The following CNOT9 variants were observed in gnomAD, a reference collection of about 807,000 sequenced individuals.
The protein encoded by CNOT9 is CCR4-NOT transcription complex subunit 9.
A neutral mutation model predicts 37.4 loss-of-function variants in CNOT9; 8 were observed. The observed-to-expected ratio is 0.21, with a 90% CI of 0.13 to 0.39. The LOEUF is 0.39. Ranked by LOEUF, CNOT9 falls within the 10% of genes least tolerant of loss-of-function variation. CNOT9 has a pLI of 1.00. For missense variants in CNOT9, 154 were observed against 365.3 expected (o/e 0.42, Z 4.71); for synonymous variants, 120 against 137.6 (o/e 0.87, Z 0.90).
In CNOT9 at chr2:218,592,369, G is replaced by A. The variant is rs777795311; in HGVS notation, c.606G>A (p.Thr202=). 6.8e-6 allele frequency: 11 copies of A among 1,613,922 alleles called. No individual in the cohort carries two copies. Among genetic ancestry groups the A allele is most frequent in the Admixed American group, 3.3e-5 (2 of 59,998 alleles). ...DDTGLAYICQ[T]YERFSHVAMI... ...CTGGTTTGGCTTATATATGTCAGAC[G>A]TATGAGCGTTTCTCCCATGTTGCCA... The change falls in exon 6 of 8, where the codon ACG becomes ACA. Residue 202 remains threonine (T), a synonymous_variant. Transcript: ENST00000273064. This position sits in a 1 kb window ranked among gnomAD's most constrained non-coding sequence, Gnocchi z 4.1.
rs758825069 is a variant in CNOT9, at chr2:218,594,360, C to A, written c.*84C>A. 3.5e-6 allele frequency: 5 copies of A among 1,420,590 alleles called. No homozygotes were observed. The highest frequency in any genetic ancestry group is 4.8e-6 in the Non-Finnish European group (5 of 1,044,400). 88.0% of individuals were successfully genotyped at this position (1,420,590 alleles called of 1,614,324 possible). On this transcript the variant is annotated 3_prime_UTR_variant, in exon 8 of 8. Transcript: ENST00000273064. ...AGAAAAACAGCTCAGGTTTTATCAC[C>A]GACTGGGAATAGACAACCTCAATGC...
intron 1 of CNOT9, among the ~76,000 whole-genome samples, chr2:218,578,097 T>C (rs926046676): frequency 6.6e-6 from 1 of 152,262 alleles, no homozygotes; most frequent in African/African-American, 2.4e-5. Context: ...AACACTGCTT[T>C]TGCTGTTGGG....
intron 1 of CNOT9, among the ~76,000 whole-genome samples, chr2:218,575,397 T>C (rs957809812): frequency 3.5e-5 from 5 of 142,320 alleles, no homozygotes; most frequent in Non-Finnish European, 6.4e-5. Context: ...CTTTTTTTTT[T>C]TTTTTTTGAG....
intron 1 of CNOT9, chr2:218,572,696 G>A: frequency 5.1e-6 from 5 of 985,352 alleles, no homozygotes; most frequent in Non-Finnish European, 6.0e-6. Context: ...TTATGCTTGT[G>A]AAACAACCGG....
intron 1 of CNOT9, among the ~76,000 whole-genome samples, chr2:218,578,657 G>T (rs747334502): frequency 6.6e-6 from 1 of 151,938 alleles, no homozygotes; most frequent in Non-Finnish European, 1.5e-5. Flanking sequence ...CTTCCCCCCC[G>T]CCTCCCGCTC....
At chr2:218,581,261 C>T (rs529097605) in intron 2 of CNOT9, 5 of 195,076 alleles carry the variant, frequency 2.6e-5, no homozygotes, top group South Asian at 1.4e-4. Context: ...CTCTGCCTCC[C>T]GGGTTGAAGT....
chr2:218,588,481 G>T (rs1694664099), intron 5 of CNOT9, among the ~76,000 whole-genome samples: 2 of 148,644 alleles, frequency 1.3e-5, no homozygotes. Flanking sequence ...TAGAAATGGG[G>T]TTTCACTATA....
rs893895368 is a variant in CNOT9, at chr2:218,574,379, T to G, written c.24+5401T>G. On this transcript the variant is annotated intron_variant, in intron 1 of 7. Transcript: ENST00000273064. ...ATCTAAATCAGATTTCTCATGATGA[T>G]TCTATGTGTCCAGGTATGTAATTGA... 6 of 153,496 alleles carry G rather than the reference T, an allele frequency of 3.9e-5. No homozygotes were observed. The East Asian group carries it at 9.6e-4, about 25-fold the overall frequency. The allele number at this position is 153,496 out of a possible 1,614,324, so 9.5% of individuals were successfully genotyped here.
chr2:218,581,152 GTTTT>G lies in CNOT9; in HGVS notation c.204+416_204+419del, dbSNP rs1559246129. 62 of 282,426 alleles carry G rather than the reference GTTTT, an allele frequency of 2.2e-4. 1 individual carries two copies. Among genetic ancestry groups the G allele is most frequent in the Non-Finnish European group, 4.1e-4 (55 of 135,528 alleles). 17.5% of individuals were successfully genotyped at this position (282,426 alleles called of 1,614,324 possible). The stretch of plus-strand genomic sequence containing the variant: ...CTATGGAAAAGAAATGGGTTTTTGG[GTTTT>G]TTTGTTTGTTTTTCTTTTTTTTTTT... On this transcript the variant is annotated intron_variant, in intron 2 of 7. Coordinates refer to ENST00000273064, the MANE Select transcript of CNOT9 (RefSeq NM_005444.3).
intron 2 of CNOT9, among the ~76,000 whole-genome samples, chr2:218,581,276 C>T (rs1694369117): frequency 6.7e-6 from 1 of 149,594 alleles, no homozygotes; most frequent in South Asian, 2.1e-4. Context: ...TGAAGTGGTT[C>T]TCCTGCCTCA....
chr2:218,571,632 C>T (rs573804139), intron 1 of CNOT9, among the ~76,000 whole-genome samples: 5 of 149,216 alleles, frequency 3.4e-5, no homozygotes, highest in Non-Finnish European at 7.4e-5. Flanking sequence ...TGTGCAATAG[C>T]GAGATCTCAG....
rs57839540 is a variant in CNOT9 at position 218,595,404 on chromosome 2, C to CTTTTTTTTTTTT, written c.*1145_*1156dup. The CTTTTTTTTTTTT allele has an allele frequency of 5.5e-4, 28 of 50,940 alleles. 1 individual carries two copies. The highest frequency in any genetic ancestry group is 1.4e-3 in the South Asian group (1 of 702). 3.2% of individuals were successfully genotyped at this position (50,940 alleles called of 1,614,324 possible). The stretch of plus-strand genomic sequence containing the variant: ...GAGGGCTGGGTTCTGCTCACTCAGT[C>CTTTTTTTTTTTT]TTTTTTTTTTTTTTTTTTTTTTTTT... On this transcript the variant is annotated 3_prime_UTR_variant, in exon 8 of 8. Transcript: ENST00000273064.
chr2:218,576,352 A>G (rs1259055063), intron 1 of CNOT9, among the ~76,000 whole-genome samples: 1 of 152,220 alleles, frequency 6.6e-6, no homozygotes, highest in Non-Finnish European at 1.5e-5. Flanking sequence ...TGAAATTCCT[A>G]TATGTGTGTT....
At position 218,593,960 on chromosome 2, in the gene CNOT9, T is replaced by C. The variant is rs550071424; in HGVS notation, c.732-148T>C. 1.0e-5 allele frequency: 10 copies of C among 995,234 alleles called. No individual in the cohort carries two copies. The African/African-American group carries it at 1.1e-4, about 11-fold the overall frequency. 61.7% of individuals were successfully genotyped at this position (995,234 alleles called of 1,614,324 possible). ...GAGATCTCTAAGCCTATGCCTAATA[T>C]AGCTTTAGAGAATTTTAATGGCTTC... On this transcript the variant is annotated intron_variant, in intron 7 of 7. Coordinates refer to ENST00000273064, the MANE Select transcript of CNOT9 (RefSeq NM_005444.3).
At chr2:218,572,351 A>G (rs1292174227) in intron 1 of CNOT9, among the ~76,000 whole-genome samples, 1 of 151,910 alleles carries the variant, frequency 6.6e-6, no homozygotes, top group Non-Finnish European at 1.5e-5. Context: ...GAATAACAAA[A>G]TGCTCAGTGG....
chr2:218,588,217 A>T (rs943367675), intron 5 of CNOT9, among the ~76,000 whole-genome samples: 2 of 151,754 alleles, frequency 1.3e-5, no homozygotes, highest in African/African-American at 4.8e-5. Context: ...TTTTAGGTGA[A>T]CTTACTTTTT....
chr2:218,588,775 A>G (rs1296116876), intron 5 of CNOT9, among the ~76,000 whole-genome samples: 1 of 147,378 alleles, frequency 6.8e-6, no homozygotes, highest in African/African-American at 2.5e-5. Flanking sequence ...GGGTTTTGTC[A>G]TGTTGGACAG....
At chr2:218,574,990 C>A (rs1559243382) in intron 1 of CNOT9, among the ~76,000 whole-genome samples, 1 of 152,126 alleles carries the variant, frequency 6.6e-6, no homozygotes, top group Non-Finnish European at 1.5e-5. Flanking sequence ...ATTAGACTCT[C>A]ACAACTAAGA....
chr2:218,588,302 T>TC (rs1327844659), intron 5 of CNOT9, among the ~76,000 whole-genome samples: 1 of 151,112 alleles, frequency 6.6e-6, no homozygotes, highest in Non-Finnish European at 1.5e-5. Flanking sequence ...TTTTTTTTTT[T>TC]CTCTGAGATG....
Sources: allele counts gnomAD v4.1 joint callset (sites outside exome capture counted in the v4.1 genomes callset), GRCh38; gene constraint gnomAD v4.1.1; non-coding constraint Gnocchi (gnomAD v3.1); transcripts MANE v1.5; gene names NCBI Gene and HGNC (gene_info 2026-07-23, HGNC 2026-07-21).